Variants in POLK observed in about 807,000 individuals in gnomAD.
POLK encodes the protein DNA polymerase kappa.
Under a neutral mutation model 94.0 loss-of-function variants are expected in POLK, and 76 were observed. The observed-to-expected ratio is 0.81, with a 90% CI of 0.67 to 0.98. The LOEUF is 0.98. Ranked by LOEUF, POLK falls within the 50% of genes least tolerant of loss-of-function variation. POLK has a pLI of 0.00. For missense variants in POLK, 954 were observed against 1,010.1 expected (o/e 0.94, Z 0.75); for synonymous variants, 349 against 325.4 (o/e 1.07, Z -0.78).
chr5:75,605,118 TACACACACACACACACACACAC>T (rs3842052), downstream of POLK, among the ~76,000 whole-genome samples: 42 of 146,840 alleles, frequency 2.9e-4, no homozygotes, highest in East Asian at 7.2e-3. Flanking sequence ...TGTATACACA[TACACACACACACACACACACAC>T]ACACACACAC....
At chr5:75,564,758 T>C (rs1442529058) in intron 3 of POLK, among the ~76,000 whole-genome samples, 1 of 152,218 alleles carries the variant, frequency 6.6e-6, no homozygotes, top group Non-Finnish European at 1.5e-5. Context: ...AGATCTGCCG[T>C]TATTCTGATG....
intron 3 of POLK, among the ~76,000 whole-genome samples, chr5:75,554,133 G>T (rs1421374242): frequency 6.6e-6 from 1 of 152,124 alleles, no homozygotes; most frequent in Non-Finnish European, 1.5e-5. Context: ...ACATTCTTTG[G>T]CAAGAATTTA....
chr5:75,596,672 C>A lies in POLK; in HGVS notation c.1979C>A (p.Ser660Ter), dbSNP rs535351080. ...ATCAGTGAAAACTTTAAAATGTTCT[C>A]GTGTTCACATGTTTCTGCTACCAAA... Residue 660 changes from serine to a stop codon, truncating the protein, a stop_gained, in exon 13 of 15, where the codon TCG (serine) becomes TAG (stop). Transcript: ENST00000241436. LOFTEE classifies it high-confidence loss of function. 17 of 1,613,742 alleles carry A rather than the reference C, an allele frequency of 1.1e-5. No homozygotes were observed. Among genetic ancestry groups the A allele is most frequent in the Admixed American group, 6.7e-5 (4 of 59,992 alleles).
At position 75,547,080 on chromosome 5, in the gene POLK, G is replaced by A. The variant is rs558289672; in HGVS notation, c.58G>A (p.Gly20Arg). Residue 20 changes from glycine to arginine, a missense_variant, in exon 2 of 15, where the codon GGA (glycine) becomes AGA (arginine). Physicochemically the swap from Gly to Arg is moderately radical, Grantham distance 125 (BLOSUM62 -2). Transcript: ENST00000241436. ...CAAAGATGATCTTCTGCTTAGGATG[G>A]GACTTAATGATAATAAAGCAGGAAT... The A allele has an allele frequency of 1.6e-5, 25 of 1,517,558 alleles. No homozygotes were observed. In the South Asian group the frequency reaches 2.8e-4, roughly 17 times the overall value. The allele number at this position is 1,517,558 out of a possible 1,614,324, so 94.0% of individuals were successfully genotyped here.
At position 75,536,886 on chromosome 5, in the gene POLK, C is replaced by T. The variant is rs116748564; in HGVS notation, c.-13-10124C>T. On this transcript the variant is annotated intron_variant, in intron 1 of 14. Transcript: ENST00000241436. Reference sequence around the variant, plus strand: ...CTTGCCTGGCTACCAGTGACGGGGGCGGGTAGGGTCATGTAGTTTGCTGTC... The same window carrying T: ...CTTGCCTGGCTACCAGTGACGGGGGTGGGTAGGGTCATGTAGTTTGCTGTC... Among the ~76,000 whole-genome samples, 652 of 152,108 alleles carry T rather than the reference C, an allele frequency of 4.3e-3. 4 individuals are homozygous for T. Among genetic ancestry groups the T allele is most frequent in the African/African-American group, 0.015 (630 of 41,474 alleles).
exon 8 of POLK, chr5:75,583,407 C>A: frequency 6.3e-7 from 1 of 1,594,240 alleles, no homozygotes; most frequent in Non-Finnish European, 8.6e-7. Context: ...AAGGATTTAC[C>A]CATTAGAAAG....
intron 1 of POLK, among the ~76,000 whole-genome samples, chr5:75,533,199 A>G (rs1008818482): frequency 1.3e-5 from 2 of 152,162 alleles, no homozygotes; most frequent in African/African-American, 4.8e-5. Context: ...GTTATCTTCC[A>G]GGGTTTTTAT....
intron 7 of POLK, chr5:75,581,669 C>T (rs1220751046): frequency 3.4e-5 from 16 of 468,110 alleles, no homozygotes; most frequent in African/African-American, 1.4e-4. Context: ...AAAGATTATA[C>T]GTTTCTTTCT....
intron 6 of POLK, 98 bp downstream of exon 6, chr5:75,577,031 T>C (rs554079681): frequency 1.5e-6 from 1 of 660,914 alleles, no homozygotes; most frequent in African/African-American, 1.9e-5. Flanking sequence ...CCTGCATAGG[T>C]AGAAGGGATA....
chr5:75,514,533 G>A (rs910683316), intron 1 of POLK, among the ~76,000 whole-genome samples: 9 of 152,092 alleles, frequency 5.9e-5, no homozygotes, highest in South Asian at 2.1e-4. Context: ...TGATTTATTC[G>A]CTCTTCACAA....
At chr5:75,563,363 AT>A (rs1288440755) in intron 3 of POLK, among the ~76,000 whole-genome samples, 3 of 151,974 alleles carry the variant, frequency 2.0e-5, no homozygotes, top group Admixed American at 6.6e-5. Flanking sequence ...GAACTCATTG[AT>A]TTTTTTAAGG....
At chr5:75,565,579 T>C (rs1363261656) in intron 3 of POLK, among the ~76,000 whole-genome samples, 2 of 152,212 alleles carry the variant, frequency 1.3e-5, no homozygotes, top group Non-Finnish European at 2.9e-5. Flanking sequence ...GTGGTTATCC[T>C]CTTTGTTGAT....
intron 3 of POLK, among the ~76,000 whole-genome samples, chr5:75,566,834 G>A (rs900201741): frequency 6.6e-6 from 1 of 152,200 alleles, no homozygotes. Context: ...TATTCTTAAC[G>A]AGTGTGACAC....
chr5:75,545,307 ATTT>A (rs1382694497), intron 1 of POLK, among the ~76,000 whole-genome samples: 5 of 152,174 alleles, frequency 3.3e-5, no homozygotes, highest in Non-Finnish European at 5.9e-5. Flanking sequence ...CACAATCGTA[ATTT>A]ATTTTAGATT....
intron 1 of POLK, among the ~76,000 whole-genome samples, chr5:75,521,450 T>G (rs1464443470): frequency 6.6e-6 from 1 of 152,182 alleles, no homozygotes; most frequent in Non-Finnish European, 1.5e-5. Flanking sequence ...GATTTTTTAT[T>G]GTTTCAAACT....
chr5:75,562,895 T>C (rs1194650865), intron 3 of POLK, among the ~76,000 whole-genome samples: 1 of 152,230 alleles, frequency 6.6e-6, no homozygotes, highest in Non-Finnish European at 1.5e-5. Flanking sequence ...TTTAATGTAC[T>C]GCTGGATTTG....
intron 5 of POLK, among the ~76,000 whole-genome samples, chr5:75,575,481 A>G (rs1771826012): frequency 6.6e-6 from 1 of 152,184 alleles, no homozygotes; most frequent in South Asian, 2.1e-4. Flanking sequence ...ATGCCCAGTT[A>G]GCCATTTTTG....
chr5:75,522,044 G>A (rs1387718401), intron 1 of POLK, among the ~76,000 whole-genome samples: 2 of 152,234 alleles, frequency 1.3e-5, no homozygotes, highest in Non-Finnish European at 2.9e-5. Flanking sequence ...CCAAGACTGG[G>A]AATGGTAGTC....
At chr5:75,586,938 A>T in intron 9 of POLK, 88 bp from the exon 10 acceptor site, 1 of 889,232 alleles carries the variant, frequency 1.1e-6, no homozygotes, top group South Asian at 1.6e-5. Context: ...TGAGAGCTCT[A>T]AAAGGTAATT....
Sources: gnomAD v4.1 joint callset for allele counts (sites outside exome capture counted in the v4.1 genomes callset) on GRCh38, gnomAD v4.1.1 for gene constraint, MANE v1.5 for transcripts, NCBI Gene and HGNC (gene_info 2026-07-23, HGNC 2026-07-21) for gene names.